KCNQ3: variants seen among roughly 807,000 people sequenced by gnomAD.
KCNQ3 encodes potassium voltage-gated channel subfamily Q member 3.
KCNQ3 carries 30 observed loss-of-function variants against 92.5 expected under a neutral mutation model. The observed-to-expected ratio is 0.32, with a 90% CI of 0.24 to 0.44. The LOEUF is 0.44. Ranked by LOEUF, KCNQ3 falls within the 20% of genes least tolerant of loss-of-function variation. KCNQ3 has a pLI of 1.00. For missense variants in KCNQ3, 913 were observed against 1,140.3 expected, an observed-to-expected ratio of 0.80 and a Z score of 2.87; for synonymous variants, 450 against 468.8, an observed-to-expected ratio of 0.96 and a Z score of 0.52.
chr8:132,401,246 G>A (rs911937722), intron 1 of KCNQ3, among the ~76,000 whole-genome samples: 1 of 152,144 alleles, frequency 6.6e-6, no homozygotes, highest in Non-Finnish European at 1.5e-5. Flanking sequence ...GAGAAGGCTT[G>A]ATTTCATAAG....
intron 9 of KCNQ3, among the ~76,000 whole-genome samples, chr8:132,152,914 A>G (rs1054200617): frequency 6.6e-6 from 1 of 152,230 alleles, no homozygotes; most frequent in Admixed American, 6.5e-5. Context: ...CTTTATGCAA[A>G]TAATCAGGCC....
intron 1 of KCNQ3, among the ~76,000 whole-genome samples, chr8:132,375,490 C>T (rs1005727080): frequency 6.6e-6 from 1 of 152,100 alleles, no homozygotes; most frequent in South Asian, 2.1e-4. Flanking sequence ...TGTGAGAATG[C>T]GACTGAAAAG....
rs1173832821 is a variant in KCNQ3, at chr8:132,140,066, G to GCACAC, written c.1568+9_1568+10insGTGTG. ...GCACACAGGCACAGGTGGGACCGTG[G>GCACAC]GGGCATTACCTGACGGCTCGGATGG... On this transcript the variant is annotated intron_variant, in intron 11 of 14. Coordinates refer to ENST00000388996, the MANE Select transcript of KCNQ3 (RefSeq NM_004519.4). The GCACAC allele has an allele frequency of 1.3e-6, 2 of 1,574,888 alleles. No homozygotes were observed. The highest frequency in any genetic ancestry group is 3.5e-5 in the Admixed American group (2 of 57,360).
rs73347714 is a variant in KCNQ3 at position 132,409,220 on chromosome 8, G to C, written c.386+70927C>G. Among the ~76,000 whole-genome samples the C allele has an allele frequency of 6.3e-3, 964 of 152,162 alleles. 11 individuals are homozygous for C. The highest frequency in any genetic ancestry group is 0.021 in the African/African-American group (881 of 41,526). On this transcript the variant is annotated intron_variant, in intron 1 of 14. Coordinates refer to ENST00000388996, the MANE Select transcript of KCNQ3 (RefSeq NM_004519.4). ...CAAAATTGAGCCAAATTTGCCTTCG[G>C]AAAGTTTTTCCTATTCATCTCTAAT...
At chr8:132,152,599 G>T (rs1191615666) in intron 9 of KCNQ3, among the ~76,000 whole-genome samples, 1 of 152,106 alleles carries the variant, frequency 6.6e-6, no homozygotes, top group Non-Finnish European at 1.5e-5. Context: ...AAGGAGTCAA[G>T]CTTGACTTGC....
At chr8:132,275,410 A>G (rs916667789) in intron 1 of KCNQ3, among the ~76,000 whole-genome samples, 15 of 152,174 alleles carry the variant, frequency 9.9e-5, no homozygotes, top group Non-Finnish European at 5.9e-5. Context: ...AGAGAAAAAG[A>G]AAGCTGTAAA....
chr8:132,231,123 T>G (rs1814633573), intron 1 of KCNQ3, among the ~76,000 whole-genome samples: 1 of 152,152 alleles, frequency 6.6e-6, no homozygotes, highest in African/African-American at 2.4e-5. Context: ...TGCCGAGGAT[T>G]GCCAGAAAAC....
In KCNQ3 at chr8:132,394,665, A is replaced by T. The variant is rs375007913; in HGVS notation, c.386+85482T>A. Among the ~76,000 whole-genome samples, 8 of 152,164 alleles carry T rather than the reference A, an allele frequency of 5.3e-5. No homozygotes were observed. The South Asian group carries it at 1.2e-3, about 24-fold the overall frequency. On this transcript the variant is annotated intron_variant, in intron 1 of 14. Coordinates refer to ENST00000388996, the MANE Select transcript of KCNQ3 (RefSeq NM_004519.4). The stretch of plus-strand genomic sequence containing the variant: ...CACACTGGTTATTATCAATGATGAC[A>T]ATGGTGTGATGGGGTGGGGAGTGAT...
At chr8:132,180,136 C>T (rs962746392) in intron 4 of KCNQ3, 21 bp downstream of exon 4, 121 of 1,613,468 alleles carry the variant, frequency 7.5e-5, no homozygotes, top group Non-Finnish European at 9.9e-5. Context: ...TGTGGTCCTG[C>T]AGTTTCTCCA....
intron 1 of KCNQ3, among the ~76,000 whole-genome samples, chr8:132,308,366 G>A (rs1266858118): frequency 6.6e-6 from 1 of 152,194 alleles, no homozygotes; most frequent in Non-Finnish European, 1.5e-5. Flanking sequence ...AGTACCATTA[G>A]AGAGGGATGG....
chr8:132,298,874 C>T (rs1817129669), intron 1 of KCNQ3, among the ~76,000 whole-genome samples: 1 of 152,046 alleles, frequency 6.6e-6, no homozygotes, highest in Non-Finnish European at 1.5e-5. Flanking sequence ...CACCATTGCA[C>T]TCCAGTCTGG....
chr8:132,199,937 T>C (rs372027047), intron 1 of KCNQ3, among the ~76,000 whole-genome samples: 135 of 150,500 alleles, frequency 9.0e-4, no homozygotes, highest in African/African-American at 3.2e-3. Context: ...AGTGTAAATA[T>C]GTAAAAGTGC....
chr8:132,423,806 T>C (rs1821034248), intron 1 of KCNQ3, among the ~76,000 whole-genome samples: 1 of 152,068 alleles, frequency 6.6e-6, no homozygotes, highest in African/African-American at 2.4e-5. Context: ...AGGTGGAGCC[T>C]CACCCGGATG....
At chr8:132,325,102 C>G (rs1012643237) in intron 1 of KCNQ3, among the ~76,000 whole-genome samples, 2 of 151,896 alleles carry the variant, frequency 1.3e-5, no homozygotes, top group Admixed American at 6.6e-5. Context: ...CTGGAGTGGG[C>G]AGAGCTGACG....
intron 1 of KCNQ3, among the ~76,000 whole-genome samples, chr8:132,220,990 C>T (rs1180660066): frequency 6.6e-6 from 1 of 152,040 alleles, no homozygotes; most frequent in Admixed American, 6.6e-5. Flanking sequence ...TGACAGGCCC[C>T]GGGGTGTGAT....
chr8:132,276,925 G>A (rs1184120153), intron 1 of KCNQ3, among the ~76,000 whole-genome samples: 1 of 152,190 alleles, frequency 6.6e-6, no homozygotes, highest in Admixed American at 6.5e-5. Flanking sequence ...AATATGGAAT[G>A]CTGAAACACA....
intron 8 of KCNQ3, among the ~76,000 whole-genome samples, chr8:132,167,790 A>G (rs534833754): frequency 6.6e-6 from 1 of 152,348 alleles, no homozygotes; most frequent in Admixed American, 6.5e-5. Context: ...CCTTATTTAT[A>G]ATACATCAAC....
At position 132,422,990 on chromosome 8, in the gene KCNQ3, C is replaced by T. The variant is rs145334304; in HGVS notation, c.386+57157G>A. Among the ~76,000 whole-genome samples, 559 of 152,180 alleles carry T rather than the reference C, an allele frequency of 3.7e-3. 2 individuals carry two copies. The highest frequency in any genetic ancestry group is 0.01 in the Middle Eastern group (3 of 292). ...GGGGTTGGAGATGTAGGCAGAGGAA[C>T]CAGGAGACCTCAGATGGCTAGACTG... On this transcript the variant is annotated intron_variant, in intron 1 of 14. Transcript: ENST00000388996.
chr8:132,132,078 C>G (rs7819259), intron 14 of KCNQ3, 102 bp downstream of exon 14: 16 of 832,236 alleles, frequency 1.9e-5, no homozygotes, highest in Non-Finnish European at 1.8e-5. Context: ...ACAGAGTGAA[C>G]CTTCGTCTTA....
Sources: allele counts gnomAD v4.1 joint callset (sites outside exome capture counted in the v4.1 genomes callset), GRCh38; gene constraint gnomAD v4.1.1; transcripts MANE v1.5; gene names NCBI Gene and HGNC (gene_info 2026-07-23, HGNC 2026-07-21).